Variants in KLHL26 observed in about 807,000 individuals in gnomAD.
The protein encoded by KLHL26 is kelch-like protein 26.
In KLHL26, 4 loss-of-function variants were observed where a neutral mutation model predicts 7.1. That is an observed-to-expected ratio of 0.56 (90% CI 0.28 to 1.28). KLHL26 has a LOEUF of 1.28. Ranked by LOEUF, KLHL26 falls within the 50% of genes most tolerant of loss-of-function variation. The probability of loss-of-function intolerance (pLI) is 0.11; values close to 1 mark genes in which losing one functional copy is unlikely to be tolerated. For missense variants in KLHL26, 896 were observed against 924.6 expected (o/e 0.97, Z 0.40); for synonymous variants, 465 against 414.1 (o/e 1.12, Z -1.49).
rs1233969843 is a variant in KLHL26, at chr19:18,670,553, C to A, written c.*1308C>A. On this transcript the variant is annotated 3_prime_UTR_variant, in exon 3 of 3. Transcript: ENST00000300976. ...GCTTGGGTCTGATTGGTCACAGATT[C>A]CTCGTGTGTCCTCCGCGTGTCTGGG... is the stretch of plus-strand genomic sequence containing the variant. 2 of 152,192 alleles carry A rather than the reference C, an allele frequency of 1.3e-5. No individual in the cohort carries two copies. Among genetic ancestry groups the A allele is most frequent in the Admixed American group, 6.5e-5 (1 of 15,276 alleles). The allele number at this position is 152,192 out of a possible 1,614,324, so 9.4% of individuals were successfully genotyped here.
At chr19:18,637,655 T>TG (rs1976643601) in intron 1 of KLHL26, among the ~76,000 whole-genome samples, 1 of 56,012 alleles carries the variant, frequency 1.8e-5, no homozygotes, top group Admixed American at 2.5e-4. Flanking sequence ...AGGCTCTGGG[T>TG]GGGGGACTTA....
At position 18,668,901 on chromosome 19, in the gene KLHL26, G is replaced by A; in HGVS notation, c.1504G>A (p.Ala502Thr). Residue 502 changes from alanine (A) to threonine (T), a missense_variant, in exon 3 of 3, where the codon GCC becomes ACC. Coordinates refer to ENST00000300976, the MANE Select transcript of KLHL26 (RefSeq NM_018316.3). ...CATGAGCGAACCCCGCGTGCTACACGCCATGGTGGGTGCCGGCGGCCGCAT... is the reference window on the plus strand; with the variant it reads ...CATGAGCGAACCCCGCGTGCTACACACCATGGTGGGTGCCGGCGGCCGCAT... The part of the protein sequence containing the change: ...APMSEPRVLH[A>T]MVGAGGRIYA... 1.9e-6 allele frequency: 3 copies of A among 1,603,434 alleles called. No homozygotes were observed. The highest frequency in any genetic ancestry group is 1.3e-5 in the African/African-American group (1 of 75,038).
chr19:18,664,748 A>AT (rs34530367), intron 2 of KLHL26, among the ~76,000 whole-genome samples: 5 of 151,026 alleles, frequency 3.3e-5, no homozygotes, highest in African/African-American at 9.7e-5. Flanking sequence ...TGCCCAGCTA[A>AT]TTTTTTTTGT....
At position 18,664,348 on chromosome 19, in the gene KLHL26, C is replaced by T. The variant is rs147751048; in HGVS notation, c.171C>T (p.Arg57=). Reference sequence around the variant, plus strand: ...TCCTGCAGGGCCTGGCCACCCTCCGCGCTCAGGGCCAGCTCCTCGATGTTG... The same window carrying T: ...TCCTGCAGGGCCTGGCCACCCTCCGTGCTCAGGGCCAGCTCCTCGATGTTG... ...TSLLQGLATL[R]AQGQLLDVVL... The change falls in exon 2 of 3, where the codon CGC becomes CGT. Residue 57 remains arginine, a synonymous_variant. Transcript: ENST00000300976. 2.4e-4 allele frequency: 388 copies of T among 1,609,748 alleles called. No individual in the cohort carries two copies. The highest frequency in any genetic ancestry group is 3.0e-4 in the Non-Finnish European group (356 of 1,179,852).
At chr19:18,640,229 A>T (rs907354252) in intron 1 of KLHL26, among the ~76,000 whole-genome samples, 1 of 151,660 alleles carries the variant, frequency 6.6e-6, no homozygotes, top group Non-Finnish European at 1.5e-5. Context: ...CATATGGTAG[A>T]TGTGTTTAAA....
Position 18,669,080 on chromosome 19 carries a change from C to T in KLHL26, c.1683C>T (p.Ile561=). 2 of 1,612,896 alleles carry T rather than the reference C, an allele frequency of 1.2e-6. No individual in the cohort carries two copies. Among genetic ancestry groups the T allele is most frequent in the African/African-American group, 1.3e-5 (1 of 75,054 alleles). ...EAGCCLLERK[I]YIVGGYNWRL... is the part of the protein sequence containing the mutation. ...GCTGCTGCCTGCTGGAGAGGAAGATCTACATCGTCGGGGGCTACAACTGGC... is the reference window on the plus strand; with the variant it reads ...GCTGCTGCCTGCTGGAGAGGAAGATTTACATCGTCGGGGGCTACAACTGGC... The change falls in exon 3 of 3, where the codon ATC becomes ATT. Residue 561 remains isoleucine (I), a synonymous_variant. Coordinates refer to ENST00000300976, the MANE Select transcript of KLHL26 (RefSeq NM_018316.3).
chr19:18,650,660 T>C lies in KLHL26; in HGVS notation c.83+13523T>C, dbSNP rs1174305962. Reference sequence around the variant, plus strand: ...CGGGTGATGTTTTCCTCGCCAAGGCTGATGGCACCGGGCCCCTTTGCCGTT... The same window carrying C: ...CGGGTGATGTTTTCCTCGCCAAGGCCGATGGCACCGGGCCCCTTTGCCGTT... On this transcript the variant is annotated intron_variant, in intron 1 of 2. Transcript: ENST00000300976. The surrounding 1 kb of genome is among the most constrained non-coding windows in gnomAD (Gnocchi z 4.2). Among the ~76,000 whole-genome samples the C allele has an allele frequency of 6.6e-6, 1 of 152,202 alleles. No homozygotes were observed. The highest frequency in any genetic ancestry group is 1.5e-5 in the Non-Finnish European group (1 of 68,030).
chr19:18,651,730 C>T lies in KLHL26; in HGVS notation c.84-12531C>T, dbSNP rs553387677. 2.6e-5 allele frequency among the ~76,000 whole-genome samples: 4 copies of T among 152,360 alleles called. No individual in the cohort carries two copies. The East Asian group carries it at 7.7e-4, about 29-fold the overall frequency. ...CAGTGGGGTGGGCTGCCTTGCAGCA[C>T]GTTACCACCCCGACATGCTAGAATT... On this transcript the variant is annotated intron_variant, in intron 1 of 2. Transcript: ENST00000300976.
chr19:18,667,613 C>CA, intron 2 of KLHL26, 51 bp from the exon 3 acceptor site: 1 of 1,567,394 alleles, frequency 6.4e-7, no homozygotes, highest in Non-Finnish European at 8.7e-7. Flanking sequence ...CCTGGCTGGC[C>CA]AAAACACCCC....
rs2052486149 is a variant in KLHL26, at chr19:18,668,650, C to T, written c.1253C>T (p.Thr418Met). 6 of 1,567,076 alleles carry T rather than the reference C, an allele frequency of 3.8e-6. No homozygotes were observed. Among genetic ancestry groups the T allele is most frequent in the African/African-American group, 2.7e-5 (2 of 74,024 alleles). Residue 418 changes from threonine (T) to methionine (M), a missense_variant, in exon 3 of 3, where the codon ACG becomes ATG. Coordinates refer to ENST00000300976, the MANE Select transcript of KLHL26 (RefSeq NM_018316.3). ...GTGCTGTGCGGCATGGTGTACGCCA[C>T]GGGCGGCCGCAACCGAGCCGGCAGC... ...LNVLCGMVYA[T>M]GGRNRAGSLA...
chr19:18,653,601 GCACCCACCCACCCTT>G, intron 1 of KLHL26, among the ~76,000 whole-genome samples: 2 of 22,464 alleles, frequency 8.9e-5, no homozygotes, highest in Non-Finnish European at 1.7e-4. Flanking sequence ...ACCCACCTAG[GCACCCACCCACCCTT>G]CACCCACCCA....
intron 1 of KLHL26, among the ~76,000 whole-genome samples, chr19:18,645,685 G>A (rs1010249788): frequency 2.0e-5 from 3 of 151,946 alleles, no homozygotes; most frequent in South Asian, 2.1e-4. Flanking sequence ...GGTGGTGGGC[G>A]TCTTTAATCC....
rs1226702355 is a variant in KLHL26, at chr19:18,649,321, AC to A, written c.83+12188del. ...GCTTTTGAGTGTAGATCCAGTGAGT[AC>A]CCCACCCCGAACAGTCTTCGATGCA... On this transcript the variant is annotated intron_variant, in intron 1 of 2. Transcript: ENST00000300976. The surrounding 1 kb of genome is among the most constrained non-coding windows in gnomAD (Gnocchi z 4.0). 8.0e-6 allele frequency among the ~76,000 whole-genome samples: 1 copy of A among 125,384 alleles called. No individual in the cohort carries two copies. The highest frequency in any genetic ancestry group is 1.8e-5 in the Non-Finnish European group (1 of 56,186). The allele number at this position is 125,384 out of a possible 152,430, so 82.3% of individuals were successfully genotyped here.
Position 18,668,945 on chromosome 19 carries a change from C to A in KLHL26, c.1548C>A (p.Arg516=). The change falls in exon 3 of 3, where the codon CGC becomes CGA. Residue 516 remains arginine (R), a synonymous_variant. Coordinates refer to ENST00000300976, the MANE Select transcript of KLHL26 (RefSeq NM_018316.3). The stretch of plus-strand genomic sequence containing the variant: ...GCCGCATCTATGCCCTCGGGGGCCG[C>A]ATGGACCACGTGGACCGCTGCTTCG... ...AGGRIYALGG[R]MDHVDRCFDV... is the part of the protein sequence containing the mutation. 1.9e-6 allele frequency: 3 copies of A among 1,610,556 alleles called. No homozygotes were observed. In the African/African-American group the frequency reaches 4.0e-5, roughly 21 times the overall value.
intron 1 of KLHL26, among the ~76,000 whole-genome samples, chr19:18,659,157 C>T (rs929336849): frequency 5.9e-5 from 9 of 152,176 alleles, no homozygotes; most frequent in South Asian, 4.1e-4. Flanking sequence ...CTCTGGGTCT[C>T]TGTCCCCTCC....
chr19:18,638,462 C>T (rs1014079823), intron 1 of KLHL26, among the ~76,000 whole-genome samples: 3 of 152,144 alleles, frequency 2.0e-5, no homozygotes, highest in Non-Finnish European at 2.9e-5. Flanking sequence ...CCATGGGGAA[C>T]CCAGGAGGTG....
intron 1 of KLHL26, among the ~76,000 whole-genome samples, chr19:18,658,395 G>A (rs997856090): frequency 1.3e-5 from 2 of 151,756 alleles, no homozygotes; most frequent in African/African-American, 2.4e-5. Flanking sequence ...CTGCCTGGTC[G>A]CTGTCACCCC....
In KLHL26 at chr19:18,669,637, A is replaced by T. The variant is rs1037729695; in HGVS notation, c.*392A>T. 2.5e-6 allele frequency: 1 copy of T among 400,588 alleles called. No homozygotes were observed. The highest frequency in any genetic ancestry group is 4.5e-6 in the Non-Finnish European group (1 of 224,068). The allele number at this position is 400,588 out of a possible 1,614,324, so 24.8% of individuals were successfully genotyped here. On this transcript the variant is annotated 3_prime_UTR_variant, in exon 3 of 3. Coordinates refer to ENST00000300976, the MANE Select transcript of KLHL26 (RefSeq NM_018316.3). ...GTTTCAGGCATTCAGATGTGAGCTC[A>T]TCAACATTGAACCCAAAGTCGGTGG...
At position 18,670,383 on chromosome 19, in the gene KLHL26, C is replaced by A. The variant is rs3220; in HGVS notation, c.*1138C>A. On this transcript the variant is annotated 3_prime_UTR_variant, in exon 3 of 3. Coordinates refer to ENST00000300976, the MANE Select transcript of KLHL26 (RefSeq NM_018316.3). ...AAGTGTCTCTCTCGCTGCTAACAGACGATTGATGTCTTGTCTCTGTGACCC... is the reference window on the plus strand; with the variant it reads ...AAGTGTCTCTCTCGCTGCTAACAGAAGATTGATGTCTTGTCTCTGTGACCC... 6.6e-6 allele frequency: 1 copy of A among 152,264 alleles called. No homozygotes were observed. The highest frequency in any genetic ancestry group is 1.9e-4 in the East Asian group (1 of 5,192). The allele number at this position is 152,264 out of a possible 1,614,324, so 9.4% of individuals were successfully genotyped here.
Sources: allele counts gnomAD v4.1 joint callset (sites outside exome capture counted in the v4.1 genomes callset), GRCh38; gene constraint gnomAD v4.1.1; non-coding constraint Gnocchi (gnomAD v3.1); transcripts MANE v1.5; gene names NCBI Gene and HGNC (gene_info 2026-07-23, HGNC 2026-07-21).